ATP6V1B1: variants seen among roughly 807,000 people sequenced by gnomAD.
ATP6V1B1 encodes the protein V-type proton ATPase subunit B, kidney isoform.
Under a neutral mutation model 62.1 loss-of-function variants are expected in ATP6V1B1, and 41 were observed. The observed-to-expected ratio is 0.66, with a 90% CI of 0.51 to 0.86. ATP6V1B1 has a LOEUF of 0.86. ATP6V1B1 is among the 40% of genes least tolerant of loss of function. ATP6V1B1 has a pLI of 0.00. For missense variants in ATP6V1B1, 651 were observed against 697.5 expected (o/e 0.93, Z 0.75); for synonymous variants, 253 against 273.4 (o/e 0.93, Z 0.74).
intron 2 of ATP6V1B1, among the ~76,000 whole-genome samples, chr2:70,944,794 G>A (rs10178959): frequency 0.38 from 57,826 of 151,102 alleles, 11,312 homozygotes; most frequent in East Asian, 0.57. Context: ...TCAGCCTCCC[G>A]AGTAGCTGGG....
chr2:70,940,907 C>G, intron 1 of ATP6V1B1: 2 of 743,678 alleles, frequency 2.7e-6, no homozygotes, highest in Non-Finnish European at 3.1e-6. Flanking sequence ...TTTTCTTTTT[C>G]TTTTTCTTTT....
chr2:70,939,591 A>T (rs1269589718), intron 1 of ATP6V1B1: 2 of 152,224 alleles, frequency 1.3e-5, no homozygotes, highest in African/African-American at 4.8e-5. Flanking sequence ...AAACAAAAGG[A>T]CCGGCTTGCA....
chr2:70,955,145 G>A (rs1487555320), intron 2 of ATP6V1B1, among the ~76,000 whole-genome samples: 2 of 152,112 alleles, frequency 1.3e-5, no homozygotes, highest in African/African-American at 2.4e-5. Context: ...CAGCCTGATG[G>A]TTTGTTGGTT....
intron 8 of ATP6V1B1, among the ~76,000 whole-genome samples, chr2:70,962,184 A>T (rs1553420209): frequency 6.6e-6 from 1 of 152,152 alleles, no homozygotes; most frequent in Non-Finnish European, 1.5e-5. Context: ...CAGAGCTGGG[A>T]ACTGAGAGTG....
At position 70,959,583 on chromosome 2, in the gene ATP6V1B1, A is replaced by G. The variant is rs1553419665; in HGVS notation, c.446-356A>G. Among the ~76,000 whole-genome samples, 2 of 152,224 alleles carry G rather than the reference A, an allele frequency of 1.3e-5. No individual in the cohort carries two copies. Among genetic ancestry groups the G allele is most frequent in the Non-Finnish European group, 2.9e-5 (2 of 68,040 alleles). The stretch of plus-strand genomic sequence containing the variant: ...CAGGCCCTCTGAACCCTGCACTAGT[A>G]TCTGGAGGTGGTGATGAGGGCTCTG... On this transcript the variant is annotated intron_variant, in intron 5 of 13. Coordinates refer to ENST00000234396, the MANE Select transcript of ATP6V1B1 (RefSeq NM_001692.4). The surrounding 1 kb of genome is among the most constrained non-coding windows in gnomAD (Gnocchi z 4.2).
intron 2 of ATP6V1B1, among the ~76,000 whole-genome samples, chr2:70,944,691 C>T (rs138846869): frequency 9.3e-4 from 124 of 133,530 alleles, no homozygotes; most frequent in African/African-American, 3.3e-3. Flanking sequence ...TTTTTTGAGA[C>T]GGAGTCTCAC....
chr2:70,944,143 G>A (rs1024763529), intron 2 of ATP6V1B1: 2 of 1,286,318 alleles, frequency 1.6e-6, no homozygotes, highest in Admixed American at 2.4e-5. Flanking sequence ...AGAGGAGGAG[G>A]TGGCAAGTCA....
chr2:70,948,188 T>TCTCCTGCCACCCTCCC, intron 2 of ATP6V1B1: 1 of 152,250 alleles, frequency 6.6e-6, no homozygotes, highest in African/African-American at 2.4e-5. Flanking sequence ...TCCACTCTCC[T>TCTCCTGCCACCCTCCC]CTCCTGCCAC....
At chr2:70,957,951 A>G in intron 2 of ATP6V1B1, 95 bp from the exon 3 acceptor site, 1 of 1,114,536 alleles carries the variant, frequency 9.0e-7, no homozygotes, top group Non-Finnish European at 1.3e-6. Flanking sequence ...TAGAGGGGAG[A>G]GAACAGTTTG....
At chr2:70,940,757 T>C (rs1679977741) in intron 1 of ATP6V1B1, 1 of 985,504 alleles carries the variant, frequency 1.0e-6, no homozygotes, top group Non-Finnish European at 1.2e-6. Flanking sequence ...AATGGGACTC[T>C]CATTTGGTTT....
intron 8 of ATP6V1B1, among the ~76,000 whole-genome samples, chr2:70,962,052 G>C (rs1680600501): frequency 7.0e-6 from 1 of 142,272 alleles, no homozygotes; most frequent in Non-Finnish European, 1.6e-5. Flanking sequence ...TAAATCTGGG[G>C]GTCAGGTGGA....
Position 70,965,239 on chromosome 2 carries a change from C to A in ATP6V1B1, c.*118C>A. The A allele has an allele frequency of 6.9e-7, 1 of 1,442,824 alleles. No homozygotes were observed. Among genetic ancestry groups the A allele is most frequent in the East Asian group, 2.4e-5 (1 of 41,600 alleles). 89.4% of individuals were successfully genotyped at this position (1,442,824 alleles called of 1,614,324 possible). A position where few individuals can be genotyped will look rare whatever the true frequency, so the allele number is the denominator to read the frequency against. On this transcript the variant is annotated 3_prime_UTR_variant, in exon 14 of 14. Coordinates refer to ENST00000234396, the MANE Select transcript of ATP6V1B1 (RefSeq NM_001692.4). ...GCCGCCCTCCGCCCTCCGCTGGCTC[C>A]GAGGTGGTGGGGGCGCCGCACGCTC...
intron 2 of ATP6V1B1, among the ~76,000 whole-genome samples, chr2:70,950,010 A>T (rs574176359): frequency 9.2e-5 from 14 of 152,104 alleles, no homozygotes; most frequent in African/African-American, 2.6e-4. Flanking sequence ...TTATATTTAA[A>T]TTTTTTTTAC....
Position 70,963,150 on chromosome 2 carries a change from T to C in ATP6V1B1, c.910-12T>C, listed in dbSNP as rs1680630919. On this transcript the variant is annotated splice_polypyrimidine_tract_variant and intron_variant, in intron 9 of 13. Transcript: ENST00000234396. The surrounding 1 kb of genome is among the most constrained non-coding windows in gnomAD (Gnocchi z 4.3). Reference sequence around the variant, plus strand: ...ATCCCCTTTCTTACCCCAGTGCCCATGGATATTGCAGGTCTCTGCTGCTAG... The same window carrying C: ...ATCCCCTTTCTTACCCCAGTGCCCACGGATATTGCAGGTCTCTGCTGCTAG... 3.7e-6 allele frequency: 6 copies of C among 1,612,166 alleles called. No individual in the cohort carries two copies. In the East Asian group the frequency reaches 1.1e-4, roughly 30 times the overall value.
intron 12 of ATP6V1B1, 90 bp downstream of exon 12, chr2:70,964,632 G>A: frequency 1.2e-6 from 2 of 1,611,892 alleles, no homozygotes; most frequent in Middle Eastern, 1.7e-4. Context: ...CTTTTCTCCT[G>A]GCAAAATTCC....
In ATP6V1B1 at chr2:70,965,075, C is replaced by T. The variant is rs1354373886; in HGVS notation, c.1496C>T (p.Ser499Phe). The T allele has an allele frequency of 2.5e-6, 4 of 1,613,090 alleles. No homozygotes were observed. The highest frequency in any genetic ancestry group is 3.4e-6 in the Non-Finnish European group (4 of 1,180,050). The change falls in exon 14 of 14, where the codon TCC becomes TTC. Residue 499 changes from serine (S) to phenylalanine (F), a missense_variant. Transcript: ENST00000234396. ...IPQAVIDEFYSREGALQDLAP... is the reference protein window; with the variant it reads ...IPQAVIDEFYFREGALQDLAP... ...CAGGCCGTGATCGACGAGTTCTATTCCCGCGAGGGGGCGCTGCAGGACCTC... is the reference window on the plus strand; with the variant it reads ...CAGGCCGTGATCGACGAGTTCTATTTCCGCGAGGGGGCGCTGCAGGACCTC...
rs782335029 is a variant in ATP6V1B1 at position 70,964,950 on chromosome 2, G to A, written c.1379-8G>A. 3 of 1,613,952 alleles carry A rather than the reference G, an allele frequency of 1.9e-6. No homozygotes were observed. Among genetic ancestry groups the A allele is most frequent in the Non-Finnish European group, 2.5e-6 (3 of 1,180,032 alleles). ...CATTCCTAACACTCCCTCCCGCTCT[G>A]TCCCTAGGCCCCTACGAGAACCGCT... is the stretch of plus-strand genomic sequence containing the variant. On this transcript the variant is annotated splice_polypyrimidine_tract_variant and splice_region_variant and intron_variant, in intron 13 of 13. Coordinates refer to ENST00000234396, the MANE Select transcript of ATP6V1B1 (RefSeq NM_001692.4).
intron 2 of ATP6V1B1, among the ~76,000 whole-genome samples, chr2:70,950,932 A>ATTTTTTTTTTTTTTTTTTTTT (rs55871344): frequency 1.5e-5 from 1 of 64,604 alleles, no homozygotes; most frequent in African/African-American, 6.4e-5. Context: ...TTTTTTCCTG[A>ATTTTTTTTTTTTTTTTTTTTT]TTTTTTTTTT....
At chr2:70,949,397 T>C (rs782047832) in intron 2 of ATP6V1B1, among the ~76,000 whole-genome samples, 1 of 152,238 alleles carries the variant, frequency 6.6e-6, no homozygotes, top group Non-Finnish European at 1.5e-5. Flanking sequence ...TGTATCCCTT[T>C]TAAACGGACG....
Sources: gnomAD v4.1 joint callset for allele counts (sites outside exome capture counted in the v4.1 genomes callset) on GRCh38, gnomAD v4.1.1 for gene constraint, Gnocchi (gnomAD v3.1) non-coding constraint, MANE v1.5 for transcripts, NCBI Gene and HGNC (gene_info 2026-07-23, HGNC 2026-07-21) for gene names.